Variants in NFASC observed in about 807,000 individuals in gnomAD.
The protein encoded by NFASC is neurofascin.
A neutral mutation model predicts 147.5 loss-of-function variants in NFASC; 43 were observed. That is an observed-to-expected ratio of 0.29 (90% CI 0.23 to 0.38). The LOEUF (loss-of-function observed/expected upper bound fraction) is 0.38. Ranked by LOEUF, NFASC falls within the 10% of genes least tolerant of loss-of-function variation. The pLI, the probability that NFASC is intolerant of heterozygous loss-of-function variation, is 1.00. For missense variants in NFASC, 1,320 were observed against 1,689.0 expected (o/e 0.78, Z 3.83); for synonymous variants, 622 against 665.5 (o/e 0.93, Z 1.01).
At chr1:204,866,431 A>G (rs1449289951) in intron 1 of NFASC, among the ~76,000 whole-genome samples, 2 of 152,194 alleles carry the variant, frequency 1.3e-5, no homozygotes, top group Non-Finnish European at 2.9e-5. Flanking sequence ...TTAGGTAACC[A>G]TGCTTCCAAG....
At chr1:204,876,067 G>A (rs1405908360) in intron 1 of NFASC, among the ~76,000 whole-genome samples, 1 of 152,152 alleles carries the variant, frequency 6.6e-6, no homozygotes. Flanking sequence ...TACTAGTGAG[G>A]CATGGGGCGC....
At position 204,933,607 on chromosome 1, in the gene NFASC, G is replaced by A. The variant is rs1259366768; in HGVS notation, c.-90-10619G>A. 2.0e-5 allele frequency among the ~76,000 whole-genome samples: 3 copies of A among 152,126 alleles called. No individual in the cohort carries two copies. In the East Asian group the frequency reaches 5.8e-4, roughly 29 times the overall value. On this transcript the variant is annotated intron_variant, in intron 2 of 29. Transcript: ENST00000339876. ...GAAGCCAAGGAAGAAAGAATATTAGGATAAATGGAGTGGTTAACAATTTTT... is the reference window on the plus strand; with the variant it reads ...GAAGCCAAGGAAGAAAGAATATTAGAATAAATGGAGTGGTTAACAATTTTT...
In NFASC at chr1:204,991,282, T is replaced by C. The variant is rs771635534; in HGVS notation, c.2768-10T>C. 15 of 1,612,914 alleles carry C rather than the reference T, an allele frequency of 9.3e-6. No homozygotes were observed. The South Asian group carries it at 1.4e-4, about 15-fold the overall frequency. On this transcript the variant is annotated splice_polypyrimidine_tract_variant and intron_variant, in intron 23 of 29. Transcript: ENST00000339876. ...CTCTGTCTGGCCATCTTGGGCGCTG[T>C]GTTCTGAAGCTACTCCAACCGCAGG...
chr1:204,968,199 G>T lies in NFASC; in HGVS notation c.707-50G>T. The stretch of plus-strand genomic sequence containing the variant: ...AGCCTGACAGCGTTGGCCTAGTGGG[G>T]TCTGCCTTCTGGAAGGAGGCTCATG... On this transcript the variant is annotated intron_variant, in intron 8 of 29. Transcript: ENST00000339876. This position sits in a 1 kb window ranked among gnomAD's most constrained non-coding sequence, Gnocchi z 5.4. 2.2e-6 allele frequency: 3 copies of T among 1,383,160 alleles called. No homozygotes were observed. The allele number at this position is 1,383,160 out of a possible 1,614,324, so 85.7% of individuals were successfully genotyped here.
intron 1 of NFASC, among the ~76,000 whole-genome samples, chr1:204,913,071 T>C (rs1034057187): frequency 2.0e-5 from 3 of 152,148 alleles, no homozygotes; most frequent in African/African-American, 7.2e-5. Context: ...TAACTTTCAA[T>C]GTGGTGGGAT....
At chr1:204,884,005 C>G (rs140624160) in intron 1 of NFASC, among the ~76,000 whole-genome samples, 1 of 152,316 alleles carries the variant, frequency 6.6e-6, no homozygotes, top group African/African-American at 2.4e-5. Flanking sequence ...ATAACAGTGC[C>G]TCGACATCTT....
chr1:204,984,503 C>CGG (rs2150526982), intron 21 of NFASC, among the ~76,000 whole-genome samples: 1 of 151,542 alleles, frequency 6.6e-6, no homozygotes, highest in Admixed American at 6.6e-5. Context: ...TTGCATAGCA[C>CGG]GTTGCGTTTG....
rs1178171757 is a variant in NFASC, at chr1:204,954,792, C to T, written c.413-37C>T. The T allele has an allele frequency of 1.2e-6, 2 of 1,609,864 alleles. No homozygotes were observed. Among genetic ancestry groups the T allele is most frequent in the Middle Eastern group, 1.7e-4 (1 of 6,036 alleles). On this transcript the variant is annotated intron_variant, in intron 6 of 29. Transcript: ENST00000339876. This position sits in a 1 kb window ranked among gnomAD's most constrained non-coding sequence, Gnocchi z 5.7. ...TGCTCCTTGCCCCGGGCCCAGCCAT[C>T]ACCCTCACTTTATCCTCTTTGTCCA...
intron 2 of NFASC, among the ~76,000 whole-genome samples, chr1:204,925,010 G>A (rs2091228112): frequency 6.6e-6 from 1 of 152,154 alleles, no homozygotes; most frequent in African/African-American, 2.4e-5. Flanking sequence ...CGTGTAGCTG[G>A]GATTACAGGT....
chr1:204,939,654 T>C (rs1470979180), intron 2 of NFASC, among the ~76,000 whole-genome samples: 1 of 152,214 alleles, frequency 6.6e-6, no homozygotes, highest in African/African-American at 2.4e-5. Context: ...ACCTCTGGTG[T>C]GGTTGGAAGT....
At position 204,979,306 on chromosome 1, in the gene NFASC, A is replaced by G; in HGVS notation, c.1979-56A>G. The stretch of plus-strand genomic sequence containing the variant: ...GAAGCCAAGAAGGAAGTGCTTTTAA[A>G]GAAGACCACTGCTAACTGAGCTCCC... On this transcript the variant is annotated intron_variant, in intron 18 of 29. Transcript: ENST00000339876. The surrounding 1 kb of genome is among the most constrained non-coding windows in gnomAD (Gnocchi z 6.0). 7.2e-7 allele frequency: 1 copy of G among 1,387,078 alleles called. No homozygotes were observed. The highest frequency in any genetic ancestry group is 1.0e-6 in the Non-Finnish European group (1 of 973,856). The allele number at this position is 1,387,078 out of a possible 1,614,324, so 85.9% of individuals were successfully genotyped here.
chr1:204,960,001 C>A (rs1411952065), intron 8 of NFASC, among the ~76,000 whole-genome samples: 1 of 152,170 alleles, frequency 6.6e-6, no homozygotes, highest in African/African-American at 2.4e-5. Context: ...GCAGCTCTGG[C>A]TGGGAGCAAG....
intron 1 of NFASC, among the ~76,000 whole-genome samples, chr1:204,834,026 C>T (rs1420577774): frequency 3.9e-5 from 6 of 152,108 alleles, no homozygotes; most frequent in Admixed American, 6.5e-5. Flanking sequence ...AACTGAGCCT[C>T]GAAGAATTGG....
intron 24 of NFASC, chr1:204,993,658 C>T (rs1256029030): frequency 2.2e-6 from 1 of 454,828 alleles, no homozygotes; most frequent in African/African-American, 2.0e-5. Flanking sequence ...CAGAGAGTCT[C>T]TGCCCGCTGT....
intron 28 of NFASC, 121 bp downstream of exon 28, chr1:205,009,809 T>C (rs1382151896): frequency 4.7e-6 from 5 of 1,067,956 alleles, no homozygotes; most frequent in Non-Finnish European, 6.8e-6. Flanking sequence ...CTTGCCCGGA[T>C]TGGAAATACA....
chr1:204,977,770 C>T, intron 17 of NFASC, 45 bp downstream of exon 17: 1 of 1,575,836 alleles, frequency 6.3e-7, no homozygotes, highest in African/African-American at 1.3e-5. Context: ...CCTCTCTTGG[C>T]ACCCAGGGTG....
chr1:204,871,754 A>C lies in NFASC; in HGVS notation c.-200+42972A>C, dbSNP rs117949378. Among the ~76,000 whole-genome samples, 79 of 152,296 alleles carry C rather than the reference A, an allele frequency of 5.2e-4. 2 individuals carry two copies. The East Asian group carries it at 0.012, about 23-fold the overall frequency. On this transcript the variant is annotated intron_variant, in intron 1 of 29. Coordinates refer to ENST00000339876, the MANE Select transcript of NFASC (RefSeq NM_001005388.3). ...GAGAGCCTTGGTTTCCTGTCACTTCATGCTAAACCAAAACAAGAGTGAAGA... is the reference window on the plus strand; with the variant it reads ...GAGAGCCTTGGTTTCCTGTCACTTCCTGCTAAACCAAAACAAGAGTGAAGA...
At chr1:204,853,021 T>A (rs1045634786) in intron 1 of NFASC, among the ~76,000 whole-genome samples, 1 of 152,172 alleles carries the variant, frequency 6.6e-6, no homozygotes, top group African/African-American at 2.4e-5. Context: ...AGTGTTCCCA[T>A]GCCACCTCCT....
chr1:204,848,028 C>T (rs898886772), intron 1 of NFASC, among the ~76,000 whole-genome samples: 1 of 152,158 alleles, frequency 6.6e-6, no homozygotes, highest in Non-Finnish European at 1.5e-5. Flanking sequence ...CTTCCCATTA[C>T]CCCTTTGTAC....
Sources: gnomAD v4.1 joint callset for allele counts (sites outside exome capture counted in the v4.1 genomes callset) on GRCh38, gnomAD v4.1.1 for gene constraint, Gnocchi (gnomAD v3.1) non-coding constraint, MANE v1.5 for transcripts, NCBI Gene and HGNC (gene_info 2026-07-23, HGNC 2026-07-21) for gene names.